B4GALT5: variants seen among roughly 807,000 people sequenced by gnomAD.
B4GALT5 encodes the protein beta-1,4-galactosyltransferase 5, also known as UDP-Gal:beta-GlcNAc beta-1,4-galactosyltransferase 5.
B4GALT5 carries 11 observed loss-of-function variants against 45.0 expected under a neutral mutation model. That is an observed-to-expected ratio of 0.24 (90% confidence interval 0.15 to 0.40). The LOEUF (loss-of-function observed/expected upper bound fraction) is 0.40, where lower values mean the gene tolerates loss of function less well. B4GALT5 is among the 10% of genes least tolerant of loss of function. The pLI, the probability that B4GALT5 is intolerant of heterozygous loss-of-function variation, is 1.00. For missense variants in B4GALT5, 337 were observed against 500.2 expected (o/e 0.67, Z 3.11); for synonymous variants, 185 against 182.9 (o/e 1.01, Z -0.09).
chr20:49,696,949 T>TGC (rs1045377103), intron 1 of B4GALT5, among the ~76,000 whole-genome samples: 2 of 152,190 alleles, frequency 1.3e-5, no homozygotes, highest in Admixed American at 6.5e-5. Flanking sequence ...CCTGAAACTA[T>TGC]AGCTTCAATC....
chr20:49,659,670 A>G (rs1163150933), intron 1 of B4GALT5, among the ~76,000 whole-genome samples: 1 of 152,222 alleles, frequency 6.6e-6, no homozygotes, highest in Non-Finnish European at 1.5e-5. Flanking sequence ...AGGAACACTC[A>G]CCAATATCAT....
chr20:49,684,085 G>A (rs2085775460), intron 1 of B4GALT5, among the ~76,000 whole-genome samples: 3 of 151,872 alleles, frequency 2.0e-5, no homozygotes, highest in Non-Finnish European at 4.4e-5. Context: ...AGGCTGCAGT[G>A]AGCTGAGATC....
At chr20:49,659,952 G>A (rs907897170) in intron 1 of B4GALT5, among the ~76,000 whole-genome samples, 11 of 151,874 alleles carry the variant, frequency 7.2e-5, no homozygotes, top group African/African-American at 9.7e-5. Flanking sequence ...GCTAATTTTT[G>A]TATTTTTCAT....
chr20:49,675,745 C>T (rs1469737097), intron 1 of B4GALT5, among the ~76,000 whole-genome samples: 1 of 152,200 alleles, frequency 6.6e-6, no homozygotes, highest in Non-Finnish European at 1.5e-5. Context: ...CCTTGGTCTT[C>T]CTTTCTCACA....
At chr20:49,663,696 T>G (rs1269620159) in intron 1 of B4GALT5, among the ~76,000 whole-genome samples, 1 of 66,484 alleles carries the variant, frequency 1.5e-5, no homozygotes, top group Non-Finnish European at 2.6e-5. Flanking sequence ...AAAAAATATA[T>G]ACATATATAT....
At chr20:49,669,303 C>T (rs918852215) in intron 1 of B4GALT5, among the ~76,000 whole-genome samples, 1 of 152,176 alleles carries the variant, frequency 6.6e-6, no homozygotes, top group Non-Finnish European at 1.5e-5. Context: ...TTGAGCATGT[C>T]TCTCTCTTCC....
Position 49,666,589 on chromosome 20 carries a change from G to A in B4GALT5, c.116-9887C>T, listed in dbSNP as rs1472169215. Among the ~76,000 whole-genome samples the A allele has an allele frequency of 1.4e-4, 22 of 152,284 alleles. 1 individual carries two copies. In the East Asian group the frequency reaches 4.2e-3, roughly 29 times the overall value. ...GGAAGAGAATCTAAAGAGAAGAGAA[G>A]CAGAAAATGAATAAATAGAACAGGA... On this transcript the variant is annotated intron_variant, in intron 1 of 8. Coordinates refer to ENST00000371711, the MANE Select transcript of B4GALT5 (RefSeq NM_004776.4).
intron 7 of B4GALT5, among the ~76,000 whole-genome samples, chr20:49,639,228 T>G (rs1183865047): frequency 6.6e-6 from 1 of 152,228 alleles, no homozygotes; most frequent in African/African-American, 2.4e-5. Context: ...AATTATAATT[T>G]GTTGATTTTC....
chr20:49,712,244 C>G (rs1195114449), intron 1 of B4GALT5, among the ~76,000 whole-genome samples: 1 of 152,212 alleles, frequency 6.6e-6, no homozygotes, highest in African/African-American at 2.4e-5. Context: ...GTATCTACTT[C>G]CATCCTTAAC....
At chr20:49,699,367 CAAA>C (rs11476698) in intron 1 of B4GALT5, among the ~76,000 whole-genome samples, 27 of 93,818 alleles carry the variant, frequency 2.9e-4, no homozygotes, top group African/African-American at 5.1e-4. Flanking sequence ...CCTAAATGGG[CAAA>C]AAAAAAAAAA....
intron 1 of B4GALT5, among the ~76,000 whole-genome samples, chr20:49,663,399 T>C (rs1293535604): frequency 6.6e-6 from 1 of 151,354 alleles, no homozygotes; most frequent in Non-Finnish European, 1.5e-5. Context: ...AGACATATTA[T>C]GCTACTTAAT....
chr20:49,642,654 G>C (rs898398089), intron 4 of B4GALT5, 70 bp from the exon 5 acceptor site: 1 of 1,090,334 alleles, frequency 9.2e-7, no homozygotes. Flanking sequence ...GGACACCCCT[G>C]ATGAATTGCT....
intron 1 of B4GALT5, among the ~76,000 whole-genome samples, chr20:49,685,028 T>C (rs1240864673): frequency 1.3e-5 from 2 of 152,210 alleles, no homozygotes; most frequent in Non-Finnish European, 2.9e-5. Context: ...TGTTATTTTA[T>C]TTTCAACAAT....
At chr20:49,674,149 G>A (rs1432231394) in intron 1 of B4GALT5, among the ~76,000 whole-genome samples, 4 of 149,438 alleles carry the variant, frequency 2.7e-5, no homozygotes, top group South Asian at 2.1e-4. Context: ...CCAGCTACTC[G>A]GGAGGCTGAG....
chr20:49,672,711 T>C (rs2146344951), intron 1 of B4GALT5, among the ~76,000 whole-genome samples: 1 of 152,250 alleles, frequency 6.6e-6, no homozygotes, highest in African/African-American at 2.4e-5. Flanking sequence ...TGGAAACTTG[T>C]AAGGAGTCAG....
At chr20:49,650,791 C>T (rs777551552) in intron 2 of B4GALT5, among the ~76,000 whole-genome samples, 10 of 152,180 alleles carry the variant, frequency 6.6e-5, no homozygotes, top group South Asian at 2.1e-4. Context: ...TGTCCAGCAA[C>T]GGGTGGGGTT....
intron 1 of B4GALT5, among the ~76,000 whole-genome samples, chr20:49,696,403 G>C (rs768872658): frequency 1.5e-4 from 23 of 152,092 alleles, no homozygotes; most frequent in Non-Finnish European, 3.4e-4. Flanking sequence ...ACTTGACATC[G>C]AAGGGGCTAG....
chr20:49,663,690 A>AAAAATAT (rs1555812124), intron 1 of B4GALT5, among the ~76,000 whole-genome samples: 2 of 96,960 alleles, frequency 2.1e-5, no homozygotes, highest in African/African-American at 8.9e-5. Flanking sequence ...AAAAAAAAAA[A>AAAAATAT]ATATATACAT....
intron 1 of B4GALT5, among the ~76,000 whole-genome samples, chr20:49,704,180 T>C (rs1469696911): frequency 6.6e-6 from 1 of 152,166 alleles, no homozygotes; most frequent in African/African-American, 2.4e-5. Context: ...GAACTTAAAA[T>C]GGGATAATGA....
Sources: gnomAD v4.1 joint callset for allele counts (sites outside exome capture counted in the v4.1 genomes callset) on GRCh38, gnomAD v4.1.1 for gene constraint, MANE v1.5 for transcripts, NCBI Gene and HGNC (gene_info 2026-07-23, HGNC 2026-07-21) for gene names.